Variants in CAMK1D observed in about 807,000 individuals in gnomAD.
CAMK1D encodes the protein calcium/calmodulin dependent protein kinase ID, also known as calcium/calmodulin-dependent protein kinase type 1D.
Under a neutral mutation model 47.7 loss-of-function variants are expected in CAMK1D, and 9 were observed. The observed-to-expected ratio is 0.19, with a 90% confidence interval of 0.11 to 0.33. The LOEUF is 0.33. Among genes scored for constraint, CAMK1D ranks in the 10% least tolerant of loss-of-function variants. The pLI is 1.00. For synonymous variants in CAMK1D, 184 were observed against 184.9 expected (o/e 0.99, Z 0.04); for missense variants, 291 against 488.7 (o/e 0.60, Z 3.81).
intron 4 of CAMK1D, among the ~76,000 whole-genome samples, chr10:12,765,555 C>T (rs1043917328): frequency 9.9e-5 from 15 of 152,216 alleles, no homozygotes; most frequent in African/African-American, 3.4e-4. Context: ...AAGAATCCTG[C>T]TGAATCAGTT....
intron 6 of CAMK1D, among the ~76,000 whole-genome samples, chr10:12,813,629 G>T (rs906017612): frequency 6.6e-6 from 1 of 152,086 alleles, no homozygotes; most frequent in Non-Finnish European, 1.5e-5. Flanking sequence ...ATCATGACCT[G>T]AGTTGACCCT....
intron 6 of CAMK1D, among the ~76,000 whole-genome samples, chr10:12,792,443 C>T (rs1171267031): frequency 7.2e-5 from 11 of 152,208 alleles, no homozygotes; most frequent in Admixed American, 7.2e-4. Context: ...TGAATTTCCC[C>T]ATTTCATCAC....
chr10:12,651,309 A>C lies in CAMK1D; in HGVS notation c.225-15427A>C, dbSNP rs374868415. On this transcript the variant is annotated intron_variant, in intron 2 of 10. Transcript: ENST00000619168. ...AAGGTGGCCAGACATTTATGCCTAC[A>C]TACAGACAGGTGTGTGTATGCGCAC... 2.7e-3 allele frequency among the ~76,000 whole-genome samples: 414 copies of C among 152,326 alleles called. 3 individuals carry two copies. The highest frequency in any genetic ancestry group is 5.6e-3 in the Admixed American group (86 of 15,298).
At chr10:12,385,454 G>C (rs912678391) in intron 1 of CAMK1D, among the ~76,000 whole-genome samples, 1 of 152,210 alleles carries the variant, frequency 6.6e-6, no homozygotes, top group Non-Finnish European at 1.5e-5. Flanking sequence ...TACTACTCAT[G>C]GCTGAACCTT....
At chr10:12,750,980 A>G (rs1236668835) in intron 3 of CAMK1D, among the ~76,000 whole-genome samples, 62 of 152,154 alleles carry the variant, frequency 4.1e-4, no homozygotes, top group Admixed American at 4.1e-3. Flanking sequence ...GAGCCCAGGA[A>G]GTGGAGGTTG....
rs12269614 is a variant in CAMK1D at position 12,734,559 on chromosome 10, T to C, written c.300-26389T>C. Among the ~76,000 whole-genome samples, 29 of 147,704 alleles carry C rather than the reference T, an allele frequency of 2.0e-4. 1 individual carries two copies. In the South Asian group the frequency reaches 4.5e-3, roughly 23 times the overall value. ...ACACATATGTATATATGTATATATA[T>C]ACACATATGTGTATATATATATATA... On this transcript the variant is annotated intron_variant, in intron 3 of 10. Transcript: ENST00000619168.
At chr10:12,492,122 GT>G (rs34381875) in intron 1 of CAMK1D, among the ~76,000 whole-genome samples, 28,501 of 151,770 alleles carry the variant, frequency 0.19, 3,304 homozygotes, top group Non-Finnish European at 0.27. Flanking sequence ...TAATTTTTTT[GT>G]TTTTTTCACA....
intron 5 of CAMK1D, among the ~76,000 whole-genome samples, chr10:12,772,509 G>A (rs1837086614): frequency 6.6e-6 from 1 of 152,196 alleles, no homozygotes; most frequent in Non-Finnish European, 1.5e-5. Flanking sequence ...TGGCTGGAAA[G>A]CTCCAGCACT....
At chr10:12,368,064 C>A (rs533967556) in intron 1 of CAMK1D, among the ~76,000 whole-genome samples, 1 of 152,072 alleles carries the variant, frequency 6.6e-6, no homozygotes, top group Non-Finnish European at 1.5e-5. Flanking sequence ...CGGTGGCGGG[C>A]GCCTGTAGTC....
intron 1 of CAMK1D, among the ~76,000 whole-genome samples, chr10:12,401,937 C>T (rs530615231): frequency 6.7e-6 from 1 of 149,798 alleles, no homozygotes; most frequent in African/African-American, 2.4e-5. Flanking sequence ...GCTCTGTCAC[C>T]CAGGCTGGAG....
At chr10:12,665,448 A>T (rs532939946) in intron 2 of CAMK1D, among the ~76,000 whole-genome samples, 2 of 152,222 alleles carry the variant, frequency 1.3e-5, no homozygotes, top group Non-Finnish European at 2.9e-5. Flanking sequence ...TTTCAATATC[A>T]TTCATTCATT....
At chr10:12,683,672 G>A (rs575123400) in intron 3 of CAMK1D, among the ~76,000 whole-genome samples, 6 of 151,630 alleles carry the variant, frequency 4.0e-5, no homozygotes, top group East Asian at 1.9e-4. Flanking sequence ...CCTTAAGGCC[G>A]AAGATGCACA....
intron 2 of CAMK1D, among the ~76,000 whole-genome samples, chr10:12,590,883 CACTT>C (rs1289754572): frequency 6.6e-6 from 1 of 152,210 alleles, no homozygotes; most frequent in Non-Finnish European, 1.5e-5. Context: ...ACCAGCCACC[CACTT>C]ACTTAGACAA....
At chr10:12,650,912 C>A (rs1257350765) in intron 2 of CAMK1D, among the ~76,000 whole-genome samples, 1 of 152,264 alleles carries the variant, frequency 6.6e-6, no homozygotes, top group Admixed American at 6.5e-5. Flanking sequence ...CGCCCCACAC[C>A]CTTACTGCAG....
intron 3 of CAMK1D, among the ~76,000 whole-genome samples, chr10:12,754,910 G>A (rs1836160813): frequency 1.3e-5 from 2 of 152,088 alleles, no homozygotes; most frequent in African/African-American, 2.4e-5. Context: ...GGTGTACTGG[G>A]GGGTCAGGAC....
At chr10:12,659,756 C>T (rs1157479795) in intron 2 of CAMK1D, among the ~76,000 whole-genome samples, 1 of 152,142 alleles carries the variant, frequency 6.6e-6, no homozygotes, top group Non-Finnish European at 1.5e-5. Flanking sequence ...CAGGGAACCA[C>T]GCCTCTCTTT....
At chr10:12,783,888 T>A (rs3802563) in intron 5 of CAMK1D, among the ~76,000 whole-genome samples, 34,881 of 152,100 alleles carry the variant, frequency 0.23, 4,176 homozygotes, top group East Asian at 0.46. Flanking sequence ...TTGAATTTTC[T>A]ACCTAGTTTT....
intron 2 of CAMK1D, among the ~76,000 whole-genome samples, chr10:12,649,825 C>A (rs1470644500): frequency 6.6e-6 from 1 of 152,162 alleles, no homozygotes; most frequent in Non-Finnish European, 1.5e-5. Context: ...TCCACTTGTT[C>A]ATGATGAAAC....
chr10:12,600,841 T>A (rs1013817582), intron 2 of CAMK1D, among the ~76,000 whole-genome samples: 1 of 152,352 alleles, frequency 6.6e-6, no homozygotes, highest in East Asian at 1.9e-4. Flanking sequence ...CATGTACACA[T>A]TATTTAGCTC....
Sources: gnomAD v4.1 joint callset for allele counts (sites outside exome capture counted in the v4.1 genomes callset) on GRCh38, gnomAD v4.1.1 for gene constraint, MANE v1.5 for transcripts, NCBI Gene and HGNC (gene_info 2026-07-23, HGNC 2026-07-21) for gene names.